The following NCAM2 variants were observed in gnomAD, a reference collection of about 807,000 sequenced individuals.
The protein encoded by NCAM2 is neural cell adhesion molecule 2, also known as N-CAM-2.
Under a neutral mutation model 98.1 loss-of-function variants are expected in NCAM2, and 30 were observed. The observed-to-expected ratio is 0.31, with a 90% CI of 0.23 to 0.41. The LOEUF is 0.41. NCAM2 is among the 10% of genes least tolerant of loss of function. NCAM2 has a pLI of 1.00. For missense variants in NCAM2, 867 were observed against 1,005.8 expected (o/e 0.86, Z 1.87); for synonymous variants, 368 against 342.4 (o/e 1.07, Z -0.83).
intron 8 of NCAM2, among the ~76,000 whole-genome samples, chr21:21,352,157 C>G (rs947452293): frequency 4.6e-5 from 7 of 152,136 alleles, no homozygotes; most frequent in Non-Finnish European, 1.0e-4. Context: ...GCTTCAGCCC[C>G]CCAGTCTCAA....
chr21:21,299,872 A>G (rs2073645164), intron 5 of NCAM2, among the ~76,000 whole-genome samples: 1 of 151,888 alleles, frequency 6.6e-6, no homozygotes, highest in South Asian at 2.1e-4. Flanking sequence ...CAAATCCATG[A>G]ATGCTCAAGT....
At chr21:21,373,826 C>G (rs1318184309) in intron 8 of NCAM2, 37 bp from the exon 9 acceptor site, 2 of 1,537,808 alleles carry the variant, frequency 1.3e-6, no homozygotes, top group East Asian at 4.7e-5. Context: ...CACACACAAG[C>G]ATAAAATCTT....
chr21:21,362,490 T>C (rs2147999235), intron 8 of NCAM2, among the ~76,000 whole-genome samples: 1 of 151,912 alleles, frequency 6.6e-6, no homozygotes, highest in African/African-American at 2.4e-5. Flanking sequence ...AACTCCTGGG[T>C]CAACCAATCC....
intron 16 of NCAM2, among the ~76,000 whole-genome samples, chr21:21,526,497 A>T (rs1989331645): frequency 6.6e-6 from 1 of 152,100 alleles, no homozygotes; most frequent in Non-Finnish European, 1.5e-5. Context: ...ATAAATGGAG[A>T]GTTATTTCAT....
chr21:21,355,661 G>T (rs371580174), intron 8 of NCAM2, among the ~76,000 whole-genome samples: 18 of 151,594 alleles, frequency 1.2e-4, no homozygotes, highest in African/African-American at 4.4e-4. Context: ...TGTCACCCAG[G>T]CTGGAGCGCA....
chr21:21,340,438 C>T (rs1206827404), intron 8 of NCAM2, among the ~76,000 whole-genome samples: 1 of 151,920 alleles, frequency 6.6e-6, no homozygotes, highest in African/African-American at 2.4e-5. Context: ...CCAAACTACA[C>T]ACAGATACTT....
At chr21:21,188,585 G>A (rs1412851186) in intron 1 of NCAM2, among the ~76,000 whole-genome samples, 1 of 152,120 alleles carries the variant, frequency 6.6e-6, no homozygotes, top group Non-Finnish European at 1.5e-5. Flanking sequence ...CCCCTTAATA[G>A]TAAGCAAGAC....
intron 1 of NCAM2, among the ~76,000 whole-genome samples, chr21:21,051,519 T>A (rs952655679): frequency 1.3e-5 from 2 of 152,202 alleles, no homozygotes; most frequent in Non-Finnish European, 2.9e-5. Flanking sequence ...TGAAACAAAC[T>A]TCATTTTCAG....
chr21:21,118,751 A>G (rs1313144620), intron 1 of NCAM2, among the ~76,000 whole-genome samples: 1 of 151,834 alleles, frequency 6.6e-6, no homozygotes, highest in East Asian at 1.9e-4. Context: ...CATCCTCAAC[A>G]CACATATTAT....
At chr21:21,213,567 A>T (rs2069746610) in intron 1 of NCAM2, among the ~76,000 whole-genome samples, 1 of 152,144 alleles carries the variant, frequency 6.6e-6, no homozygotes, top group South Asian at 2.1e-4. Context: ...TGCTTTAGAG[A>T]TATGTCACAT....
intron 1 of NCAM2, chr21:21,239,251 T>A (rs1304398939): frequency 8.5e-5 from 13 of 152,120 alleles, no homozygotes; most frequent in Admixed American, 8.5e-4. Context: ...ATATATAAAA[T>A]GTTTCCGTGT....
At chr21:21,373,803 G>T (rs868687391) in intron 8 of NCAM2, 60 bp from the exon 9 acceptor site, 5 of 1,377,422 alleles carry the variant, frequency 3.6e-6, no homozygotes, top group South Asian at 1.6e-5. Flanking sequence ...TTATATGTTT[G>T]GTCACCATTT....
intron 1 of NCAM2, among the ~76,000 whole-genome samples, chr21:21,056,490 C>CGTGTG (rs71322021): frequency 7.2e-6 from 1 of 138,352 alleles, no homozygotes; most frequent in Non-Finnish European, 1.5e-5. Context: ...AGAGATATGT[C>CGTGTG]TGTGTGTGTG....
chr21:21,173,486 T>A (rs547078521), intron 1 of NCAM2, among the ~76,000 whole-genome samples: 45 of 152,334 alleles, frequency 3.0e-4, no homozygotes, highest in African/African-American at 9.4e-4. Flanking sequence ...ATGTATTTTC[T>A]GCACCTTCAC....
At chr21:21,388,401 G>A (rs1399924042) in intron 9 of NCAM2, among the ~76,000 whole-genome samples, 2 of 152,138 alleles carry the variant, frequency 1.3e-5, no homozygotes, top group Admixed American at 1.3e-4. Context: ...TACATTCCAG[G>A]CAGAGGGAAC....
intron 1 of NCAM2, among the ~76,000 whole-genome samples, chr21:21,077,022 T>C (rs773411736): frequency 2.0e-5 from 3 of 151,970 alleles, no homozygotes; most frequent in Admixed American, 6.6e-5. Context: ...GTGGGTGGAG[T>C]GGAGAGGTCA....
intron 4 of NCAM2, among the ~76,000 whole-genome samples, chr21:21,287,475 G>T (rs1021399029): frequency 1.3e-5 from 2 of 151,848 alleles, no homozygotes; most frequent in African/African-American, 2.4e-5. Flanking sequence ...ACTCTGTACA[G>T]TGTATTAACA....
chr21:21,180,635 A>C (rs1254329727), intron 1 of NCAM2, among the ~76,000 whole-genome samples: 1 of 152,204 alleles, frequency 6.6e-6, no homozygotes, highest in Non-Finnish European at 1.5e-5. Context: ...GATTTAATAC[A>C]AGAAAATACT....
At chr21:21,268,283 A>G (rs1386743270) in intron 1 of NCAM2, among the ~76,000 whole-genome samples, 1 of 152,162 alleles carries the variant, frequency 6.6e-6, no homozygotes, top group African/African-American at 2.4e-5. Context: ...AATTTCTCAC[A>G]GCAAGTCTAA....
Sources: allele counts gnomAD v4.1 joint callset (sites outside exome capture counted in the v4.1 genomes callset), GRCh38; gene constraint gnomAD v4.1.1; transcripts MANE v1.5; gene names NCBI Gene and HGNC (gene_info 2026-07-23, HGNC 2026-07-21).